The following NAV2 variants were observed in gnomAD, a reference collection of about 807,000 sequenced individuals.
The protein encoded by NAV2 is neuron navigator 2, also known as helicase, APC down-regulated 1.
Under a neutral mutation model 223.2 loss-of-function variants are expected in NAV2, and 54 were observed. The observed-to-expected ratio is 0.24, with a 90% CI of 0.19 to 0.30. The LOEUF (loss-of-function observed/expected upper bound fraction) is 0.30. Ranked by LOEUF, NAV2 falls within the 10% of genes least tolerant of loss-of-function variation. The pLI is 1.00. For missense variants in NAV2, 2,806 were observed against 3,147.5 expected (o/e 0.89, Z 2.60); for synonymous variants, 1,279 against 1,239.3 (o/e 1.03, Z -0.67).
intron 11 of NAV2, among the ~76,000 whole-genome samples, chr11:20,016,617 G>A (rs2054023676): frequency 6.6e-6 from 1 of 152,200 alleles, no homozygotes; most frequent in Non-Finnish European, 1.5e-5. Flanking sequence ...GGAAACAGTA[G>A]GGAGGGAGGG....
At chr11:19,447,119 A>G (rs933147721) in intron 1 of NAV2, among the ~76,000 whole-genome samples, 1 of 152,236 alleles carries the variant, frequency 6.6e-6, no homozygotes, top group Non-Finnish European at 1.5e-5. Flanking sequence ...ACTGTTGCTC[A>G]GAGGCCTGCG....
intron 20 of NAV2, among the ~76,000 whole-genome samples, chr11:20,067,645 T>C (rs931260082): frequency 3.5e-5 from 2 of 57,712 alleles, no homozygotes; most frequent in East Asian, 2.8e-3. Context: ...ACCCGGCTAA[T>C]TTTTTTTTTT....
At chr11:19,374,515 T>C (rs78243489) in intron 1 of NAV2, among the ~76,000 whole-genome samples, 2,344 of 152,292 alleles carry the variant, frequency 0.015, 74 homozygotes, top group African/African-American at 0.054. Context: ...GTCACTCACA[T>C]ACTTTAGCAG....
At chr11:19,808,383 C>T (rs554722024) in intron 1 of NAV2, among the ~76,000 whole-genome samples, 1 of 152,196 alleles carries the variant, frequency 6.6e-6, no homozygotes, top group Non-Finnish European at 1.5e-5. Context: ...AGCACAAAAG[C>T]GGGGTCACAA....
At chr11:19,947,999 T>C (rs1264975049) in intron 9 of NAV2, among the ~76,000 whole-genome samples, 1 of 152,100 alleles carries the variant, frequency 6.6e-6, no homozygotes, top group African/African-American at 2.4e-5. Flanking sequence ...CTAGAATGAA[T>C]GGGCAAGCAG....
In NAV2 at chr11:19,892,579, A is replaced by C. The variant is rs201025387; in HGVS notation, c.916A>C (p.Ser306Arg). 6.2e-7 allele frequency: 1 copy of C among 1,613,714 alleles called. No homozygotes were observed. Among genetic ancestry groups the C allele is most frequent in the East Asian group, 2.2e-5 (1 of 44,884 alleles). ...AGTCACCTCCCCACCCCCACCGCCA[A>C]GCAGCCACGAGAAAGGTGAGTCACC... The part of the protein sequence containing the change: ...KPVTSPPPPP[S>R]SHEKEPLASS... Residue 306 changes from serine (S) to arginine (R), a missense_variant, in exon 6 of 38, where the codon AGC becomes CGC. Coordinates refer to ENST00000349880, the MANE Select transcript of NAV2 (RefSeq NM_145117.5).
chr11:19,869,630 C>T (rs1340874005), intron 4 of NAV2, among the ~76,000 whole-genome samples: 1 of 152,202 alleles, frequency 6.6e-6, no homozygotes, highest in African/African-American at 2.4e-5. Flanking sequence ...TTCACGCTCT[C>T]TCCTGTTTGT....
At chr11:19,692,471 C>G (rs2049206242) in intron 1 of NAV2, among the ~76,000 whole-genome samples, 1 of 152,218 alleles carries the variant, frequency 6.6e-6, no homozygotes, top group Non-Finnish European at 1.5e-5. Flanking sequence ...GGTCTATAGA[C>G]AAAACATCCA....
Position 20,083,076 on chromosome 11 carries a change from A to G in NAV2, c.5395A>G (p.Ile1799Val), listed in dbSNP as rs1181494981. 5.0e-6 allele frequency: 8 copies of G among 1,614,112 alleles called. No homozygotes were observed. In the East Asian group the frequency reaches 1.8e-4, roughly 36 times the overall value. ...SPKSASSHSDIEEMTDSSLPS... is the reference protein window; with the variant it reads ...SPKSASSHSDVEEMTDSSLPS... ...AAAATCTGCGTCCTCTCATTCAGAT[A>G]TTGAGGAGATGACGGATTCTTCTTT... The change falls in exon 26 of 38, where the codon ATT (isoleucine) becomes GTT (valine). Residue 1799 changes from isoleucine to valine, a missense_variant. This residue lies in a region of NAV2 where 824 missense variants were observed against 1,069.4 expected (regional missense o/e 0.77). Transcript: ENST00000349880.
chr11:19,500,479 A>G (rs1252773306), intron 1 of NAV2, among the ~76,000 whole-genome samples: 1 of 152,234 alleles, frequency 6.6e-6, no homozygotes, highest in African/African-American at 2.4e-5. Flanking sequence ...TCCAGGATAG[A>G]GCTTGAAAAG....
At chr11:20,049,332 G>A in intron 15 of NAV2, 137 bp downstream of exon 15, 1 of 683,430 alleles carries the variant, frequency 1.5e-6, no homozygotes, top group Non-Finnish European at 2.4e-6. Context: ...GTCTTTCATG[G>A]GGAAGCCACT....
chr11:19,525,953 G>A (rs2043829647), intron 1 of NAV2, among the ~76,000 whole-genome samples: 1 of 152,146 alleles, frequency 6.6e-6, no homozygotes, highest in East Asian at 1.9e-4. Flanking sequence ...AGGTCTCGGG[G>A]ACAGGTCCCA....
At chr11:19,425,369 T>C (rs1343754879) in intron 1 of NAV2, among the ~76,000 whole-genome samples, 4 of 152,186 alleles carry the variant, frequency 2.6e-5, no homozygotes, top group Non-Finnish European at 5.9e-5. Context: ...TGGACATTGA[T>C]CATGCTCTTC....
At chr11:19,793,517 T>A (rs996624135) in intron 1 of NAV2, among the ~76,000 whole-genome samples, 1 of 152,212 alleles carries the variant, frequency 6.6e-6, no homozygotes, top group Non-Finnish European at 1.5e-5. Flanking sequence ...CAACTGCTTT[T>A]CTTCACTTCC....
chr11:19,416,718 G>T (rs114967948), intron 1 of NAV2, among the ~76,000 whole-genome samples: 7 of 152,034 alleles, frequency 4.6e-5, no homozygotes, highest in Non-Finnish European at 8.8e-5. Flanking sequence ...TACAATAACC[G>T]AAACAGCAAG....
At chr11:20,117,847 C>T (rs941212661) in intron 37 of NAV2, among the ~76,000 whole-genome samples, 1 of 152,168 alleles carries the variant, frequency 6.6e-6, no homozygotes, top group African/African-American at 2.4e-5. Flanking sequence ...TTAACTCAAT[C>T]CACCCATAAC....
intron 1 of NAV2, among the ~76,000 whole-genome samples, chr11:19,583,179 C>G (rs369856247): frequency 4.3e-4 from 65 of 152,130 alleles, no homozygotes; most frequent in African/African-American, 1.4e-3. Flanking sequence ...CTCTCTGTTT[C>G]TCTGTTATTG....
intron 1 of NAV2, among the ~76,000 whole-genome samples, chr11:19,591,928 A>G (rs2046074005): frequency 1.3e-5 from 2 of 152,186 alleles, no homozygotes. Context: ...TTGGCCATTC[A>G]GCTTCCAAGG....
intron 1 of NAV2, among the ~76,000 whole-genome samples, chr11:19,631,090 C>CTTTTTTTTT (rs528043926): frequency 7.1e-6 from 1 of 141,702 alleles, no homozygotes; most frequent in African/African-American, 2.6e-5. Context: ...ATGGCCCTTT[C>CTTTTTTTTT]TTTTTTTTTT....
Sources: gnomAD v4.1 joint callset for allele counts (sites outside exome capture counted in the v4.1 genomes callset) on GRCh38, gnomAD v4.1.1 for gene constraint, gnomAD v4.1.1 regional missense constraint, MANE v1.5 for transcripts, NCBI Gene and HGNC (gene_info 2026-07-23, HGNC 2026-07-21) for gene names.